Variants in PNPLA7 observed in about 807,000 individuals in gnomAD.
The protein encoded by PNPLA7 is patatin like domain 7, lysophospholipase, also known as patatin-like phospholipase domain-containing protein 7.
A neutral mutation model predicts 161.7 loss-of-function variants in PNPLA7; 153 were observed. The ratio of observed to expected loss-of-function variants is 0.95; its 90% confidence interval spans 0.83 to 1.08. The LOEUF is 1.08. Ranked by LOEUF, PNPLA7 falls within the 50% of genes least tolerant of loss-of-function variation. PNPLA7 has a pLI of 0.00. For synonymous variants in PNPLA7, 809 were observed against 782.1 expected, an observed-to-expected ratio of 1.03 and a Z score of -0.57; for missense variants, 1,739 against 1,856.6, an observed-to-expected ratio of 0.94 and a Z score of 1.16.
rs139557644 is a variant in PNPLA7, at chr9:137,522,652, C to A, written c.876+77G>T. ...AAAGTAAGTGGGCAATAAACCCACT[C>A]AAATCCCAAACCAGTGCCCAGGCCC... On this transcript the variant is annotated intron_variant, in intron 9 of 34. Transcript: ENST00000406427. 4.5e-3 allele frequency: 6,850 copies of A among 1,537,196 alleles called. 107 individuals carry two copies. In the East Asian group the frequency reaches 0.051, roughly 11 times the overall value.
intron 14 of PNPLA7, among the ~76,000 whole-genome samples, chr9:137,502,685 AGGGGGACGG>A (rs1184686609): frequency 0.018 from 8 of 440 alleles, no homozygotes; most frequent in African/African-American, 0.029. Flanking sequence ...TCGGGAGATG[AGGGGGACGG>A]GGGGGACGCG....
At chr9:137,522,305 A>C (rs907554951) in intron 9 of PNPLA7, among the ~76,000 whole-genome samples, 4 of 150,200 alleles carry the variant, frequency 2.7e-5, no homozygotes, top group Non-Finnish European at 5.9e-5. Context: ...CGATCTCCTG[A>C]CCTCGTGATC....
intron 8 of PNPLA7, among the ~76,000 whole-genome samples, chr9:137,530,113 C>T (rs568686886): frequency 3.8e-4 from 58 of 152,116 alleles, no homozygotes; most frequent in Non-Finnish European, 6.0e-4. Context: ...TAGAGGTGCG[C>T]GCCACCACAC....
In PNPLA7 at chr9:137,481,043, T is replaced by A; in HGVS notation, c.2348-20A>T. The A allele has an allele frequency of 1.9e-6, 3 of 1,551,236 alleles. No homozygotes were observed. Among genetic ancestry groups the A allele is most frequent in the Non-Finnish European group, 2.6e-6 (3 of 1,146,760 alleles). On this transcript the variant is annotated intron_variant, in intron 21 of 34. Transcript: ENST00000406427. ...TCGGGCCTGAAAACACCACCACCAG[T>A]AACGGAGCCTGCCTGGGCAGCCCAC...
chr9:137,478,521 A>T (rs750521372), intron 24 of PNPLA7: 40 of 198,578 alleles, frequency 2.0e-4, no homozygotes, highest in Non-Finnish European at 3.5e-4. Flanking sequence ...TTCTGGACAG[A>T]GCTGTGGGCT....
Position 137,537,506 on chromosome 9 carries a change from T to G in PNPLA7, c.747+3136A>C, listed in dbSNP as rs1835956241. On this transcript the variant is annotated intron_variant, in intron 8 of 34. Transcript: ENST00000406427. The surrounding 1 kb of genome is among the most constrained non-coding windows in gnomAD (Gnocchi z 4.5). Reference sequence around the variant, plus strand: ...CTAATTTTTGTATTTTTAGTAGGGATGGGTTTCACCATGTTGGCCAGGATG... The same window carrying G: ...CTAATTTTTGTATTTTTAGTAGGGAGGGGTTTCACCATGTTGGCCAGGATG... 6.6e-6 allele frequency among the ~76,000 whole-genome samples: 1 copy of G among 152,068 alleles called. No homozygotes were observed. Among genetic ancestry groups the G allele is most frequent in the Non-Finnish European group, 1.5e-5 (1 of 68,012 alleles).
chr9:137,464,785 C>A, intron 26 of PNPLA7: 2 of 333,208 alleles, frequency 6.0e-6, no homozygotes, highest in South Asian at 6.6e-5. Context: ...TGGGGCAAGG[C>A]CTGCCCATGC....
chr9:137,521,795 T>C, intron 9 of PNPLA7, 79 bp from the exon 10 acceptor site: 1 of 1,273,016 alleles, frequency 7.9e-7, no homozygotes, highest in Non-Finnish European at 1.1e-6. Context: ...CACAGAGCAC[T>C]GAGAACCGTG....
At chr9:137,494,355 C>T (rs557856409) in intron 19 of PNPLA7, among the ~76,000 whole-genome samples, 6 of 152,210 alleles carry the variant, frequency 3.9e-5, no homozygotes, top group East Asian at 1.9e-4. Context: ...GGCAGCTGCA[C>T]GACTGTCCTG....
At chr9:137,471,235 T>A (rs1470637858) in intron 25 of PNPLA7, among the ~76,000 whole-genome samples, 1 of 152,244 alleles carries the variant, frequency 6.6e-6, no homozygotes, top group African/African-American at 2.4e-5. Context: ...TTGTAAGATA[T>A]AAGATCAATT....
At chr9:137,518,069 T>C (rs1296085706) in intron 11 of PNPLA7, among the ~76,000 whole-genome samples, 4 of 84,354 alleles carry the variant, frequency 4.7e-5, no homozygotes, top group Admixed American at 1.3e-4. Context: ...CTCCACTCTG[T>C]CCACTCCATC....
rs1210959236 is a variant in PNPLA7 at position 137,464,196 on chromosome 9, C to T, written c.3157-1G>A. 1.2e-6 allele frequency: 2 copies of T among 1,613,704 alleles called. No individual in the cohort carries two copies. Among genetic ancestry groups the T allele is most frequent in the Non-Finnish European group, 1.7e-6 (2 of 1,179,992 alleles). On this transcript the variant is annotated splice_acceptor_variant, in intron 27 of 34. Coordinates refer to ENST00000406427, the MANE Select transcript of PNPLA7 (RefSeq NM_001098537.3). LOFTEE classifies it high-confidence loss of function. ...TGGCGAAATAAGGAATCCACAGGTCCTGCGGGCGGACGGGGCTCAGATGGG... is the reference window on the plus strand; with the variant it reads ...TGGCGAAATAAGGAATCCACAGGTCTTGCGGGCGGACGGGGCTCAGATGGG...
chr9:137,494,466 G>A (rs1448538952), intron 19 of PNPLA7, among the ~76,000 whole-genome samples: 2 of 152,182 alleles, frequency 1.3e-5, no homozygotes, highest in Non-Finnish European at 2.9e-5. Context: ...TTCCATCCAT[G>A]TGTAGGTAGA....
intron 11 of PNPLA7, 53 bp from the exon 12 acceptor site, chr9:137,515,572 T>C: frequency 6.8e-7 from 1 of 1,478,460 alleles, no homozygotes; most frequent in Non-Finnish European, 9.0e-7. Flanking sequence ...CCCTGGTGTC[T>C]GGTGCAGCCC....
intron 29 of PNPLA7, 73 bp downstream of exon 29, chr9:137,463,342 G>A: frequency 7.5e-7 from 1 of 1,332,062 alleles, no homozygotes; most frequent in Non-Finnish European, 1.0e-6. Flanking sequence ...GGAGGCAGCT[G>A]TGGCAGGGGC....
chr9:137,461,461 T>TGGGGGGGGGCGTGGGGGGG, intron 33 of PNPLA7, 75 bp downstream of exon 33: 1 of 1,189,092 alleles, frequency 8.4e-7, no homozygotes, highest in Non-Finnish European at 1.1e-6. Context: ...GCCTCTGGGG[T>TGGGGGGGGGCGTGGGGGGG]GGGGGGGTTC....
At chr9:137,529,919 A>C (rs1392887323) in intron 8 of PNPLA7, among the ~76,000 whole-genome samples, 1 of 151,728 alleles carries the variant, frequency 6.6e-6, no homozygotes, top group African/African-American at 2.4e-5. Flanking sequence ...TCAGCCTCCC[A>C]AAGTGCTGGG....
At chr9:137,473,879 G>A (rs908327462) in intron 25 of PNPLA7, among the ~76,000 whole-genome samples, 10 of 152,148 alleles carry the variant, frequency 6.6e-5, no homozygotes, top group Admixed American at 2.6e-4. Flanking sequence ...ACTGCCCCAC[G>A]ACCGGGCACT....
intron 12 of PNPLA7, among the ~76,000 whole-genome samples, chr9:137,510,035 C>A (rs1834133944): frequency 6.6e-6 from 1 of 152,126 alleles, no homozygotes; most frequent in African/African-American, 2.4e-5. Flanking sequence ...GACAAGAGTG[C>A]GAGCCTTCTG....
Sources: allele counts gnomAD v4.1 joint callset (sites outside exome capture counted in the v4.1 genomes callset), GRCh38; gene constraint gnomAD v4.1.1; non-coding constraint Gnocchi (gnomAD v3.1); transcripts MANE v1.5; gene names NCBI Gene and HGNC (gene_info 2026-07-23, HGNC 2026-07-21).